The following MYLK3 variants were observed in gnomAD, a reference collection of about 807,000 sequenced individuals.
MYLK3 encodes the protein myosin light chain kinase 3.
A neutral mutation model predicts 76.3 loss-of-function variants in MYLK3; 55 were observed. The observed-to-expected ratio is 0.72, with a 90% CI of 0.58 to 0.90. MYLK3 has a LOEUF of 0.90. Among genes scored for constraint, MYLK3 ranks in the 40% least tolerant of loss-of-function variants. MYLK3 has a pLI of 0.00. For synonymous variants in MYLK3, 416 were observed against 425.4 expected, an observed-to-expected ratio of 0.98 and a Z score of 0.27; for missense variants, 973 against 1,053.6, an observed-to-expected ratio of 0.92 and a Z score of 1.06.
intron 1 of MYLK3, among the ~76,000 whole-genome samples, chr16:46,753,445 A>G (rs1208042393): frequency 6.6e-6 from 1 of 152,206 alleles, no homozygotes; most frequent in East Asian, 1.9e-4. Flanking sequence ...GCAGTTAACA[A>G]GCCTCAACCA....
At chr16:46,713,144 G>A (rs1966701391) in intron 9 of MYLK3, among the ~76,000 whole-genome samples, 2 of 151,776 alleles carry the variant, frequency 1.3e-5, no homozygotes. Context: ...TCTGGAGATT[G>A]GTTGCACAAC....
rs369606430 is a variant in MYLK3, at chr16:46,760,781, G to C, written c.-114+2259C>G. Among the ~76,000 whole-genome samples the C allele has an allele frequency of 4.6e-5, 7 of 152,306 alleles. No homozygotes were observed. The East Asian group carries it at 9.7e-4, about 21-fold the overall frequency. On this transcript the variant is annotated intron_variant, in intron 1 of 11. Transcript: ENST00000536476. Reference sequence around the variant, plus strand: ...CCTGAGGGTCCATAGGAGAGGACTTGGTTGATCTGGGTAGCAAAGTCCCAA... The same window carrying C: ...CCTGAGGGTCCATAGGAGAGGACTTCGTTGATCTGGGTAGCAAAGTCCCAA...
At chr16:46,748,866 C>G (rs1442646226), upstream of MYLK3, among the ~76,000 whole-genome samples, 23 of 152,274 alleles carry the variant, frequency 1.5e-4, no homozygotes. The surrounding 1 kb of genome is among the most constrained non-coding windows in gnomAD (Gnocchi z 4.3). Context: ...CCCTCCCCAC[C>G]GGAGCCCTCA....
rs748855280 is a variant in MYLK3, at chr16:46,729,058, C to G, written c.1738G>C (p.Glu580Gln). Reference protein sequence around the residue: ...VNLIQLYDAFESKHSCTLVME... With the variant: ...VNLIQLYDAFQSKHSCTLVME... ...ACAAGGGTGCAGCTGTGCTTGCTCT[C>G]GAAGGCGTCATAGAGCTGGATCAGG... The change falls in exon 7 of 13, where the codon GAG (glutamate) becomes CAG (glutamine). Residue 580 changes from glutamate (E) to glutamine (Q), a missense_variant. Physicochemically the swap from Glu to Gln is conservative, Grantham distance 29. Around this residue, in one of 2 missense-constraint regions of MYLK3, gnomAD observed 332 missense variants for 416.6 expected, o/e 0.80. Coordinates refer to ENST00000394809, the MANE Select transcript of MYLK3 (RefSeq NM_182493.3). 3 of 1,614,114 alleles carry G rather than the reference C, an allele frequency of 1.9e-6. No homozygotes were observed. Among genetic ancestry groups the G allele is most frequent in the Admixed American group, 1.7e-5 (1 of 60,022 alleles).
Position 46,707,454 on chromosome 16 carries a change from G to T in MYLK3, c.*250C>A. The T allele has an allele frequency of 2.4e-6, 1 of 421,220 alleles. No homozygotes were observed. The highest frequency in any genetic ancestry group is 4.5e-5 in the South Asian group (1 of 22,042). The allele number at this position is 421,220 out of a possible 1,614,324, so 26.1% of individuals were successfully genotyped here. A position where few individuals can be genotyped will look rare whatever the true frequency, so the allele number is the denominator to read the frequency against. The stretch of plus-strand genomic sequence containing the variant: ...AGCATCCCTACACTTACCACCAAAA[G>T]TAGGTATATTTGAAAGGTACTCAGA... On this transcript the variant is annotated 3_prime_UTR_variant, in exon 13 of 13. Transcript: ENST00000394809.
intron 8 of MYLK3, among the ~76,000 whole-genome samples, chr16:46,723,463 A>C (rs938951627): frequency 9.2e-5 from 14 of 152,192 alleles, no homozygotes; most frequent in Non-Finnish European, 2.1e-4. Context: ...ATTTGTGTGC[A>C]AGTTTTTGTG....
At chr16:46,753,860 CTG>C (rs1374380191) in intron 1 of MYLK3, among the ~76,000 whole-genome samples, 2 of 152,178 alleles carry the variant, frequency 1.3e-5, no homozygotes, top group East Asian at 1.9e-4. Flanking sequence ...TTGCAGCGAA[CTG>C]TGTTTGTGCC....
In MYLK3 at chr16:46,758,378, C is replaced by T. The variant is rs528917963; in HGVS notation, c.-114+4662G>A. Among the ~76,000 whole-genome samples the T allele has an allele frequency of 2.0e-5, 3 of 147,796 alleles. No homozygotes were observed. The East Asian group carries it at 6.1e-4, about 30-fold the overall frequency. On this transcript the variant is annotated intron_variant, in intron 1 of 11. Coordinates refer to the MYLK3 transcript ENST00000536476. ...ACCACAAATTAACTAGCTTGGCTGA[C>T]GGGAAGGAGAGACAGGGCTGTCGGC...
chr16:46,737,633 A>T, intron 3 of MYLK3, 78 bp downstream of exon 3: 7 of 1,376,564 alleles, frequency 5.1e-6, no homozygotes, highest in Non-Finnish European at 7.0e-6. Context: ...TATGCAGTGG[A>T]TGCTGCCCAC....
At chr16:46,723,761 T>C (rs1332479535) in intron 8 of MYLK3, among the ~76,000 whole-genome samples, 3 of 151,148 alleles carry the variant, frequency 2.0e-5, no homozygotes, top group Non-Finnish European at 2.9e-5. Context: ...GTGATTCTCC[T>C]GCCTCAGCCT....
chr16:46,730,536 G>T, intron 5 of MYLK3, 57 bp downstream of exon 5: 2 of 1,470,178 alleles, frequency 1.4e-6, no homozygotes, highest in South Asian at 2.3e-5. Context: ...AGGTGGTCCC[G>T]ACCCTGCCCC....
intron 8 of MYLK3, chr16:46,726,717 G>GA (rs750497231): frequency 1.5e-5 from 2 of 131,108 alleles, no homozygotes; most frequent in Non-Finnish European, 3.2e-5. Context: ...AAGAAAGAAA[G>GA]AAAGAAAGAA....
upstream of MYLK3, among the ~76,000 whole-genome samples, chr16:46,749,930 A>G (rs939942590): frequency 1.3e-5 from 2 of 152,190 alleles, no homozygotes; most frequent in African/African-American, 2.4e-5. Context: ...CCTGGGTGTC[A>G]TTGGTGGAAT....
Position 46,705,614 on chromosome 16 carries a change from T to G in MYLK3, c.*2090A>C, listed in dbSNP as rs903516238. Reference sequence around the variant, plus strand: ...TGTAGAAGTAAGGAAATTTTAAAGATTGTATATTTTTTCATAATAAAGTAC... The same window carrying G: ...TGTAGAAGTAAGGAAATTTTAAAGAGTGTATATTTTTTCATAATAAAGTAC... On this transcript the variant is annotated 3_prime_UTR_variant, in exon 13 of 13. Coordinates refer to ENST00000394809, the MANE Select transcript of MYLK3 (RefSeq NM_182493.3). 6.6e-6 allele frequency: 1 copy of G among 152,222 alleles called. No individual in the cohort carries two copies. The highest frequency in any genetic ancestry group is 2.4e-5 in the African/African-American group (1 of 41,448). The allele number at this position is 152,222 out of a possible 1,614,324, so 9.4% of individuals were successfully genotyped here.
At chr16:46,714,037 A>G (rs746926839) in intron 9 of MYLK3, among the ~76,000 whole-genome samples, 5 of 152,228 alleles carry the variant, frequency 3.3e-5, no homozygotes, top group Non-Finnish European at 7.3e-5. Flanking sequence ...AAAATAAAAA[A>G]TTAGAAAAAG....
rs1967219894 is a variant in MYLK3 at position 46,757,804 on chromosome 16, T to C, written c.-114+5236A>G. Among the ~76,000 whole-genome samples the C allele has an allele frequency of 2.6e-5, 4 of 152,182 alleles. No individual in the cohort carries two copies. The South Asian group carries it at 8.3e-4, about 31-fold the overall frequency. On this transcript the variant is annotated intron_variant, in intron 1 of 11. Coordinates refer to the MYLK3 transcript ENST00000536476. ...GTCCAGCTGTGAAACAAACACCGTGTGGTCCAAGGAGGGAGGAATGAAGGG... is the reference window on the plus strand; with the variant it reads ...GTCCAGCTGTGAAACAAACACCGTGCGGTCCAAGGAGGGAGGAATGAAGGG...
intron 8 of MYLK3, among the ~76,000 whole-genome samples, chr16:46,724,496 T>C (rs540298260): frequency 1.3e-5 from 2 of 152,236 alleles, no homozygotes; most frequent in Non-Finnish European, 2.9e-5. Context: ...AGGGTCCAAC[T>C]TCGTTCTTTC....
In MYLK3 at chr16:46,732,403, C is replaced by T. The variant is rs750581071; in HGVS notation, c.1267G>A (p.Glu423Lys). 7.4e-6 allele frequency: 12 copies of T among 1,613,592 alleles called. No individual in the cohort carries two copies. The South Asian group carries it at 9.9e-5, about 13-fold the overall frequency. ...KAEEEQRAGA[E>K]PGTRPSLARS... is the part of the protein sequence containing the mutation. Reference sequence around the variant, plus strand: ...GCCAAGCTTGGTCTCGTGCCAGGCTCGGCCCCAGCCCTTTGCTCCTCCTCT... The same window carrying T: ...GCCAAGCTTGGTCTCGTGCCAGGCTTGGCCCCAGCCCTTTGCTCCTCCTCT... Residue 423 changes from glutamate to lysine, a missense_variant, in exon 4 of 13, where the codon GAG (glutamate) becomes AAG (lysine). This residue lies in a region of MYLK3 where 641 missense variants were observed against 637.0 expected (regional missense o/e 1.01). Coordinates refer to ENST00000394809, the MANE Select transcript of MYLK3 (RefSeq NM_182493.3).
chr16:46,733,109 C>A (rs188779284), intron 3 of MYLK3, among the ~76,000 whole-genome samples: 39 of 152,326 alleles, frequency 2.6e-4, no homozygotes, highest in Admixed American at 1.5e-3. Context: ...CACCTGTAAT[C>A]CCAGTGCTTT....
Sources: gnomAD v4.1 joint callset for allele counts (sites outside exome capture counted in the v4.1 genomes callset) on GRCh38, gnomAD v4.1.1 for gene constraint, gnomAD v4.1.1 regional missense constraint, Gnocchi (gnomAD v3.1) non-coding constraint, MANE v1.5 for transcripts, NCBI Gene and HGNC (gene_info 2026-07-23, HGNC 2026-07-21) for gene names.